Variants in APBB1IP observed in about 807,000 individuals in gnomAD.
APBB1IP encodes amyloid beta A4 precursor protein-binding family B member 1-interacting protein.
A neutral mutation model predicts 64.9 loss-of-function variants in APBB1IP; 27 were observed. The observed-to-expected ratio is 0.42, with a 90% CI of 0.31 to 0.57. APBB1IP has a LOEUF of 0.57. Among genes scored for constraint, APBB1IP ranks in the 20% least tolerant of loss-of-function variants. The pLI is 0.20. For missense variants in APBB1IP, 812 were observed against 845.5 expected, an observed-to-expected ratio of 0.96 and a Z score of 0.49; for synonymous variants, 392 against 331.0, an observed-to-expected ratio of 1.18 and a Z score of -2.00.
At chr10:26,450,626 T>C (rs1835454815) in intron 2 of APBB1IP, among the ~76,000 whole-genome samples, 1 of 152,116 alleles carries the variant, frequency 6.6e-6, no homozygotes, top group Non-Finnish European at 1.5e-5. Flanking sequence ...CACTCCACTA[T>C]GGCTGTGGAA....
At chr10:26,492,496 A>G (rs1330585678) in intron 3 of APBB1IP, 98 bp downstream of exon 3, 2 of 1,096,428 alleles carry the variant, frequency 1.8e-6, no homozygotes, top group Non-Finnish European at 2.7e-6. Flanking sequence ...TAAAACCCTG[A>G]TATCGGGGGA....
At chr10:26,492,563 G>T (rs1267570002) in intron 3 of APBB1IP, among the ~76,000 whole-genome samples, 165 bp downstream of exon 3, 1 of 152,116 alleles carries the variant, frequency 6.6e-6, no homozygotes, top group Non-Finnish European at 1.5e-5. Context: ...GTGACGGCGG[G>T]TCTGAGAAAT....
intron 2 of APBB1IP, among the ~76,000 whole-genome samples, chr10:26,456,655 C>A (rs61838429): frequency 0.011 from 1,541 of 142,654 alleles, 16 homozygotes; most frequent in Non-Finnish European, 0.016. Context: ...GGGAGGATGG[C>A]TTTTGTCCAG....
intron 2 of APBB1IP, among the ~76,000 whole-genome samples, chr10:26,476,814 T>A (rs1232230227): frequency 1.3e-5 from 2 of 152,200 alleles, no homozygotes; most frequent in African/African-American, 4.8e-5. Context: ...TTATTTATTC[T>A]TTTTAAGGCG....
chr10:26,566,462 T>A (rs1037474645), intron 14 of APBB1IP, among the ~76,000 whole-genome samples: 3 of 152,142 alleles, frequency 2.0e-5, no homozygotes, highest in African/African-American at 7.2e-5. Flanking sequence ...ACCATATTGT[T>A]CAGGTTGGTC....
At chr10:26,545,881 G>A (rs186827807) in intron 11 of APBB1IP, among the ~76,000 whole-genome samples, 37 of 152,238 alleles carry the variant, frequency 2.4e-4, no homozygotes, top group African/African-American at 8.7e-4. Context: ...ACCCCGGGAG[G>A]TGGAGGTTGC....
chr10:26,444,662 A>G (rs4749134), intron 2 of APBB1IP, among the ~76,000 whole-genome samples: 58,947 of 152,008 alleles, frequency 0.39, 11,624 homozygotes, highest in South Asian at 0.49. Flanking sequence ...ATGAAGTATC[A>G]TTTGGGAATA....
chr10:26,560,013 T>C, intron 11 of APBB1IP, 92 bp from the exon 12 acceptor site: 1 of 1,034,136 alleles, frequency 9.7e-7, no homozygotes, highest in East Asian at 2.4e-5. Flanking sequence ...TCACATATAT[T>C]GTTAGAGATT....
At chr10:26,566,638 C>T (rs1837047843) in intron 14 of APBB1IP, among the ~76,000 whole-genome samples, 2 of 152,138 alleles carry the variant, frequency 1.3e-5, no homozygotes, top group South Asian at 4.1e-4. Context: ...CAAAGATGAG[C>T]TCATGACCGA....
At chr10:26,507,396 C>G (rs1047286954) in intron 6 of APBB1IP, among the ~76,000 whole-genome samples, 2 of 152,176 alleles carry the variant, frequency 1.3e-5, no homozygotes, top group Non-Finnish European at 2.9e-5. Context: ...CTACAGGTGG[C>G]TGAGGCGGGA....
chr10:26,484,395 C>A (rs1051942905), intron 2 of APBB1IP, among the ~76,000 whole-genome samples: 12 of 152,144 alleles, frequency 7.9e-5, no homozygotes, highest in Admixed American at 7.2e-4. Flanking sequence ...CTCCGCCTCC[C>A]GGGTTCAAGC....
chr10:26,520,721 T>A (rs1233379815), intron 8 of APBB1IP, among the ~76,000 whole-genome samples: 3 of 152,230 alleles, frequency 2.0e-5, no homozygotes, highest in Non-Finnish European at 2.9e-5. Context: ...TCACCTGCTG[T>A]GTGATCTTGG....
chr10:26,462,756 G>T (rs1835607359), intron 2 of APBB1IP, among the ~76,000 whole-genome samples: 1 of 152,102 alleles, frequency 6.6e-6, no homozygotes, highest in Non-Finnish European at 1.5e-5. Context: ...TCTGAAGACA[G>T]CAATTGGAAT....
At chr10:26,453,814 C>T (rs1835491550) in intron 2 of APBB1IP, among the ~76,000 whole-genome samples, 1 of 152,130 alleles carries the variant, frequency 6.6e-6, no homozygotes, top group Non-Finnish European at 1.5e-5. Flanking sequence ...TTGAGATTTC[C>T]TTGAAAAACG....
At chr10:26,551,458 T>A (rs2132476902) in intron 11 of APBB1IP, among the ~76,000 whole-genome samples, 1 of 152,320 alleles carries the variant, frequency 6.6e-6, no homozygotes, top group Middle Eastern at 3.4e-3. Flanking sequence ...CTTCCCAGTC[T>A]CACTCACGGT....
intron 14 of APBB1IP, among the ~76,000 whole-genome samples, chr10:26,564,802 C>CA (rs1423131499): frequency 2.0e-5 from 3 of 149,846 alleles, no homozygotes; most frequent in Admixed American, 2.0e-4. Flanking sequence ...GACTCTGCCT[C>CA]AAAAAAATAA....
At chr10:26,510,120 C>T (rs1004790871) in intron 6 of APBB1IP, among the ~76,000 whole-genome samples, 9 of 152,142 alleles carry the variant, frequency 5.9e-5, no homozygotes, top group Admixed American at 4.6e-4. Context: ...CAGGCACATG[C>T]CACCACGCCT....
At chr10:26,492,146 G>T (rs1420604336) in intron 2 of APBB1IP, among the ~76,000 whole-genome samples, 181 bp from the exon 3 acceptor site, 1 of 152,130 alleles carries the variant, frequency 6.6e-6, no homozygotes, top group African/African-American at 2.4e-5. Flanking sequence ...CTTGGATCAA[G>T]CAGATTGGAT....
intron 10 of APBB1IP, among the ~76,000 whole-genome samples, chr10:26,541,184 T>C (rs7910019): frequency 0.22 from 33,699 of 152,068 alleles, 4,374 homozygotes; most frequent in Non-Finnish European, 0.28. Context: ...TAATTTTATT[T>C]TTTGATTGAC....
Sources: allele counts gnomAD v4.1 joint callset (sites outside exome capture counted in the v4.1 genomes callset), GRCh38; gene constraint gnomAD v4.1.1; transcripts MANE v1.5; gene names NCBI Gene and HGNC (gene_info 2026-07-23, HGNC 2026-07-21).